AUTS2: variants seen among roughly 807,000 people sequenced by gnomAD.
AUTS2 encodes autism susceptibility gene 2 protein.
A neutral mutation model predicts 112.4 loss-of-function variants in AUTS2; 17 were observed. That is an observed-to-expected ratio of 0.15 (90% CI 0.10 to 0.23). The LOEUF (loss-of-function observed/expected upper bound fraction) is 0.23. Among genes scored for constraint, AUTS2 ranks in the 10% least tolerant of loss-of-function variants. The pLI is 1.00. For missense variants in AUTS2, 1,510 were observed against 1,701.6 expected (o/e 0.89, Z 1.98); for synonymous variants, 751 against 702.7 (o/e 1.07, Z -1.09).
At chr7:70,737,308 C>T (rs1787831517) in intron 6 of AUTS2, among the ~76,000 whole-genome samples, 1 of 152,190 alleles carries the variant, frequency 6.6e-6, no homozygotes, top group Non-Finnish European at 1.5e-5. Context: ...GTGGCTCAAG[C>T]ACCACCGTGT....
chr7:70,032,430 A>G (rs1420696583), intron 2 of AUTS2, among the ~76,000 whole-genome samples: 1 of 152,116 alleles, frequency 6.6e-6, no homozygotes, highest in Non-Finnish European at 1.5e-5. Context: ...TCTCATAAAA[A>G]CTGATCTCTT....
At chr7:70,681,809 T>G (rs1454148041) in intron 5 of AUTS2, among the ~76,000 whole-genome samples, 2 of 152,140 alleles carry the variant, frequency 1.3e-5, no homozygotes, top group African/African-American at 4.8e-5. Flanking sequence ...GGGCTCCACC[T>G]CCTCTCCCAG....
chr7:70,148,708 A>G (rs1807264368), intron 4 of AUTS2, among the ~76,000 whole-genome samples: 1 of 152,054 alleles, frequency 6.6e-6, no homozygotes, highest in Non-Finnish European at 1.5e-5. Flanking sequence ...TACTGAATGC[A>G]TAACTTTCAA....
chr7:70,059,478 G>T (rs1359829661), intron 2 of AUTS2, among the ~76,000 whole-genome samples: 1 of 152,174 alleles, frequency 6.6e-6, no homozygotes, highest in Non-Finnish European at 1.5e-5. Context: ...AGATTTCTGT[G>T]TGGAGATCTT....
chr7:70,068,238 C>T lies in AUTS2; in HGVS notation c.523-49894C>T, dbSNP rs1000457349. 7.4e-5 allele frequency among the ~76,000 whole-genome samples: 11 copies of T among 148,214 alleles called. No homozygotes were observed. In the East Asian group the frequency reaches 8.0e-4, roughly 11 times the overall value. On this transcript the variant is annotated intron_variant, in intron 2 of 18. Coordinates refer to ENST00000342771, the MANE Select transcript of AUTS2 (RefSeq NM_015570.4). ...TGTGGCCCAGGCTGGAGTGCAGTGG[C>T]GCCATCTCAGCTGACTGCAAGCTCC...
chr7:70,435,250 A>G (rs1795841888), intron 4 of AUTS2, among the ~76,000 whole-genome samples: 1 of 152,226 alleles, frequency 6.6e-6, no homozygotes. Context: ...TCAAAGTTCA[A>G]ATGAGTGACT....
chr7:69,984,265 G>A (rs960967940), intron 2 of AUTS2, among the ~76,000 whole-genome samples: 2 of 151,944 alleles, frequency 1.3e-5, no homozygotes, highest in African/African-American at 4.8e-5. Context: ...AAATTAGCCG[G>A]GCATGGTGGC....
At chr7:70,693,308 G>A (rs1044275283) in intron 5 of AUTS2, among the ~76,000 whole-genome samples, 5 of 152,202 alleles carry the variant, frequency 3.3e-5, no homozygotes, top group South Asian at 2.1e-4. Context: ...ATACATGTTA[G>A]GATGATAGAC....
chr7:70,734,367 G>A (rs1301719017), intron 6 of AUTS2, among the ~76,000 whole-genome samples: 1 of 151,986 alleles, frequency 6.6e-6, no homozygotes, highest in East Asian at 1.9e-4. Context: ...ATGAACCTGG[G>A]AAGTGGAGCT....
intron 4 of AUTS2, among the ~76,000 whole-genome samples, chr7:70,156,477 C>T (rs979761095): frequency 6.6e-6 from 1 of 152,080 alleles, no homozygotes; most frequent in Non-Finnish European, 1.5e-5. Context: ...TTCCTGAGCT[C>T]AGAGGCAACC....
At chr7:70,299,919 A>G (rs1789127905) in intron 4 of AUTS2, among the ~76,000 whole-genome samples, 1 of 152,048 alleles carries the variant, frequency 6.6e-6, no homozygotes, top group Non-Finnish European at 1.5e-5. Context: ...AGACCATAAC[A>G]TGTAGTCTGA....
chr7:70,503,228 A>G (rs1367265976), intron 5 of AUTS2, among the ~76,000 whole-genome samples: 1 of 152,152 alleles, frequency 6.6e-6, no homozygotes, highest in Non-Finnish European at 1.5e-5. Context: ...TGACTGGCCC[A>G]ATCCATTGTC....
intron 2 of AUTS2, among the ~76,000 whole-genome samples, chr7:70,057,123 T>C (rs1802029199): frequency 6.6e-6 from 1 of 152,206 alleles, no homozygotes. Flanking sequence ...TTGTGGCTTC[T>C]TGAATCGCAT....
At chr7:69,720,338 A>C (rs1798858697) in intron 1 of AUTS2, among the ~76,000 whole-genome samples, 1 of 152,194 alleles carries the variant, frequency 6.6e-6, no homozygotes, top group Non-Finnish European at 1.5e-5. Context: ...GTGGTGGTTA[A>C]ATATAATATT....
intron 2 of AUTS2, among the ~76,000 whole-genome samples, chr7:70,052,593 TA>T (rs1291638834): frequency 1.3e-5 from 2 of 152,210 alleles, no homozygotes; most frequent in Non-Finnish European, 2.9e-5. Flanking sequence ...TAATTTGCAC[TA>T]AAACCTGTGT....
rs767789525 is a variant in AUTS2, at chr7:70,781,708, C to T, written c.2098C>T (p.His700Tyr). The T allele has an allele frequency of 6.2e-7, 1 of 1,614,064 alleles. No homozygotes were observed. The highest frequency in any genetic ancestry group is 2.2e-5 in the East Asian group (1 of 44,898). The change falls in exon 15 of 19, where the codon CAC (histidine) becomes TAC (tyrosine). Residue 700 changes from histidine (H) to tyrosine (Y), a missense_variant. Around this residue, in one of 3 missense-constraint regions of AUTS2, gnomAD observed 187 missense variants for 309.7 expected, o/e 0.60. Transcript: ENST00000342771. The stretch of plus-strand genomic sequence containing the variant: ...AGGCCCCAGTCTTTTTGGAGCCATC[C>T]ACCACCCCCATGACCTGGCACGGCC... ...PPGPSLFGAIHHPHDLARPST... is the reference protein window; with the variant it reads ...PPGPSLFGAIYHPHDLARPST...
intron 3 of AUTS2, among the ~76,000 whole-genome samples, chr7:70,128,322 C>T (rs891063346): frequency 1.3e-5 from 2 of 152,072 alleles, no homozygotes; most frequent in African/African-American, 4.8e-5. Context: ...AAACCTCTGC[C>T]CTCATGAAGT....
rs754442697 is a variant in AUTS2, at chr7:70,774,081, A to C, written c.1884A>C (p.Leu628Phe). Residue 628 changes from leucine (L) to phenylalanine (F), a missense_variant, in exon 12 of 19, where the codon TTA becomes TTC. Coordinates refer to ENST00000342771, the MANE Select transcript of AUTS2 (RefSeq NM_015570.4). ...AARPGTVPHT[L>F]LQKDPRLTDP... ...GGCCTGGGACAGTCCCACACACTTTACTCCAAAAGGACCCGAGGGTACGTG... is the reference window on the plus strand; with the variant it reads ...GGCCTGGGACAGTCCCACACACTTTCCTCCAAAAGGACCCGAGGGTACGTG... 2 of 1,613,924 alleles carry C rather than the reference A, an allele frequency of 1.2e-6. No homozygotes were observed. Among genetic ancestry groups the C allele is most frequent in the Non-Finnish European group, 1.7e-6 (2 of 1,179,984 alleles).
intron 5 of AUTS2, among the ~76,000 whole-genome samples, chr7:70,503,333 G>A (rs1798838187): frequency 6.6e-6 from 1 of 151,978 alleles, no homozygotes; most frequent in African/African-American, 2.4e-5. Context: ...TCTAAGTGTA[G>A]CATTAGATTT....
Sources: allele counts gnomAD v4.1 joint callset (sites outside exome capture counted in the v4.1 genomes callset), GRCh38; gene constraint gnomAD v4.1.1; regional missense constraint gnomAD v4.1.1; transcripts MANE v1.5; gene names NCBI Gene and HGNC (gene_info 2026-07-23, HGNC 2026-07-21).